The following UBA6 variants were observed in gnomAD, a reference collection of about 807,000 sequenced individuals.
The protein encoded by UBA6 is ubiquitin like modifier activating enzyme 6.
Under a neutral mutation model 148.3 loss-of-function variants are expected in UBA6, and 87 were observed. The observed-to-expected ratio is 0.59, with a 90% CI of 0.49 to 0.70. The LOEUF (loss-of-function observed/expected upper bound fraction) is 0.70. Ranked by LOEUF, UBA6 falls within the 30% of genes least tolerant of loss-of-function variation. UBA6 has a pLI of 0.00. For synonymous variants in UBA6, 376 were observed against 401.0 expected, an observed-to-expected ratio of 0.94 and a Z score of 0.75; for missense variants, 1,186 against 1,241.2, an observed-to-expected ratio of 0.96 and a Z score of 0.67.
chr4:67,697,709 C>A (rs145343859), intron 1 of UBA6, among the ~76,000 whole-genome samples: 1 of 152,140 alleles, frequency 6.6e-6, no homozygotes, highest in Non-Finnish European at 1.5e-5. Flanking sequence ...TAAGATATCT[C>A]AAACCTGATC....
intron 30 of UBA6, among the ~76,000 whole-genome samples, 181 bp from the exon 31 acceptor site, chr4:67,623,403 A>G (rs1486664952): frequency 2.0e-5 from 3 of 152,206 alleles, no homozygotes; most frequent in Non-Finnish European, 4.4e-5. Flanking sequence ...TCTTCATCAC[A>G]TCATATAGAT....
intron 9 of UBA6, among the ~76,000 whole-genome samples, chr4:67,666,752 G>A (rs368063210): frequency 6.2e-4 from 95 of 152,116 alleles, no homozygotes; most frequent in South Asian, 1.2e-3. Flanking sequence ...GCACACACCC[G>A]TGGTCCCAGT....
rs760760455 is a variant in UBA6, at chr4:67,665,189, A to G, written c.897T>C (p.Phe299=). The stretch of plus-strand genomic sequence containing the variant: ...TTTAAGCCGAAAAAAAAATACTTAC[A>G]AAAAAAACTGTTTTAGGAGTCTTAA... The part of the protein sequence containing the change: ...VQVKTPKTVF[F]ESLERQLKHP... The change falls in exon 10 of 33, where the codon TTT becomes TTC. Residue 299 remains phenylalanine (F), a splice_region_variant and synonymous_variant. Transcript: ENST00000322244. 22 of 1,549,474 alleles carry G rather than the reference A, an allele frequency of 1.4e-5. No individual in the cohort carries two copies. The highest frequency in any genetic ancestry group is 1.9e-5 in the Non-Finnish European group (22 of 1,149,090).
intron 17 of UBA6, among the ~76,000 whole-genome samples, chr4:67,642,162 C>T (rs1338155078): frequency 1.3e-5 from 2 of 151,936 alleles, no homozygotes; most frequent in African/African-American, 4.8e-5. Context: ...CTACCTCCTC[C>T]AATTCTGCTT....
chr4:67,629,741 T>C (rs1203303639), intron 26 of UBA6, among the ~76,000 whole-genome samples: 1 of 152,074 alleles, frequency 6.6e-6, no homozygotes. Context: ...AATATCAGAC[T>C]GAATGCCACT....
At chr4:67,690,852 T>C (rs991141142) in intron 2 of UBA6, among the ~76,000 whole-genome samples, 1 of 152,066 alleles carries the variant, frequency 6.6e-6, no homozygotes, top group African/African-American at 2.4e-5. Flanking sequence ...CTGTTGGAAA[T>C]GTAGAATGGT....
intron 11 of UBA6, chr4:67,663,640 T>C: frequency 2.0e-6 from 1 of 488,376 alleles, no homozygotes; most frequent in Non-Finnish European, 3.6e-6. Context: ...TTATCAAAGT[T>C]GGCAAATCAT....
chr4:67,692,948 A>T (rs992169461), intron 2 of UBA6, among the ~76,000 whole-genome samples: 4 of 152,216 alleles, frequency 2.6e-5, no homozygotes, highest in Non-Finnish European at 5.9e-5. Flanking sequence ...TTCTTTAATG[A>T]CATGGACCCT....
At chr4:67,681,439 AT>A (rs200361645) in intron 4 of UBA6, 123 bp downstream of exon 4, 9 of 595,620 alleles carry the variant, frequency 1.5e-5, no homozygotes, top group East Asian at 3.6e-5. Context: ...AATTTCCATG[AT>A]TTTTTTTAAA....
chr4:67,619,159 C>A (rs904307805), intron 32 of UBA6, 27 bp from the exon 33 acceptor site: 12 of 1,555,448 alleles, frequency 7.7e-6, no homozygotes, highest in Non-Finnish European at 1.1e-5. Flanking sequence ...AGAATGAATA[C>A]TTTGGTAAAT....
At chr4:67,670,091 C>A (rs970585885) in intron 8 of UBA6, among the ~76,000 whole-genome samples, 1 of 152,022 alleles carries the variant, frequency 6.6e-6, no homozygotes, top group Admixed American at 6.6e-5. Flanking sequence ...TGGGACCACA[C>A]ACCACCAGGC....
intron 14 of UBA6, among the ~76,000 whole-genome samples, chr4:67,648,523 G>A (rs1398745633): frequency 6.6e-6 from 1 of 151,772 alleles, no homozygotes; most frequent in African/African-American, 2.4e-5. Context: ...AATGTTTATG[G>A]TGTTTCAACA....
rs559031389 is a variant in UBA6, at chr4:67,670,479, G to A, written c.660C>T (p.Asn220=). 6.4e-7 allele frequency: 1 copy of A among 1,571,334 alleles called. No homozygotes were observed. The highest frequency in any genetic ancestry group is 1.7e-5 in the Admixed American group (1 of 58,466). ...GEEPKEIFIS[N]ITQANPGIVT... ...ATTAATATAATCATACTTGCGTTAT[G>A]TTTGAAATGAAAATTTCTTTTGGTT... Residue 220 remains asparagine, a synonymous_variant, in exon 8 of 33, where the codon AAC becomes AAT. Coordinates refer to ENST00000322244, the MANE Select transcript of UBA6 (RefSeq NM_018227.6).
chr4:67,649,335 A>C, intron 13 of UBA6, 124 bp from the exon 14 acceptor site: 1 of 925,136 alleles, frequency 1.1e-6, no homozygotes, highest in Non-Finnish European at 1.6e-6. Context: ...TCCCCTACTA[A>C]ATATCTCTAA....
chr4:67,658,252 T>C (rs145088234), intron 13 of UBA6, among the ~76,000 whole-genome samples: 1,899 of 152,326 alleles, frequency 0.012, 46 homozygotes, highest in African/African-American at 0.042. Context: ...GTATGTTTAT[T>C]GTGGCACTAT....
rs776977117 is a variant in UBA6 at position 67,630,466 on chromosome 4, C to A, written c.2328G>T (p.Glu776Asp). ...TGCTAAGGCTTAAAGAATATCTTAC[C>A]TCTTCTGCAAATGGAATACAATATA... Reference protein sequence around the residue: ...ATVYCIPFAEEDLSADALLNI... With the variant: ...ATVYCIPFAEDDLSADALLNI... The change falls in exon 26 of 33, where the codon GAG (glutamate) becomes GAT (aspartate). Residue 776 changes from glutamate (E) to aspartate (D), a missense_variant and splice_region_variant. Physicochemically the swap from Glu to Asp is conservative, Grantham distance 45. Transcript: ENST00000322244. 2 of 1,582,362 alleles carry A rather than the reference C, an allele frequency of 1.3e-6. No individual in the cohort carries two copies. Among genetic ancestry groups the A allele is most frequent in the South Asian group, 1.2e-5 (1 of 86,150 alleles).
intron 14 of UBA6, among the ~76,000 whole-genome samples, chr4:67,648,616 T>C (rs1729480340): frequency 6.6e-6 from 1 of 152,166 alleles, no homozygotes; most frequent in Non-Finnish European, 1.5e-5. Context: ...TTTTATTCCA[T>C]CTTGTGATGT....
intron 19 of UBA6, among the ~76,000 whole-genome samples, chr4:67,638,589 G>A (rs1000095481): frequency 3.9e-5 from 6 of 151,978 alleles, no homozygotes; most frequent in African/African-American, 1.5e-4. Context: ...ATTGCAGTGG[G>A]ACTCACCCCA....
At position 67,613,953 on chromosome 4, in the gene UBA6, C is replaced by A. The variant is rs1728581345; in HGVS notation, c.*5044G>T. ...CTACATTCTATAAAGAATCCCCTTT[C>A]CCCTTTACCCATTTTTTTTTTGTCC... On this transcript the variant is annotated 3_prime_UTR_variant, in exon 33 of 33. Coordinates refer to ENST00000322244, the MANE Select transcript of UBA6 (RefSeq NM_018227.6). The A allele has an allele frequency of 6.6e-6, 1 of 152,064 alleles. No homozygotes were observed. The highest frequency in any genetic ancestry group is 2.4e-5 in the African/African-American group (1 of 41,342). The allele number at this position is 152,064 out of a possible 1,614,324, so 9.4% of individuals were successfully genotyped here.
Sources: allele counts gnomAD v4.1 joint callset (sites outside exome capture counted in the v4.1 genomes callset), GRCh38; gene constraint gnomAD v4.1.1; transcripts MANE v1.5; gene names NCBI Gene and HGNC (gene_info 2026-07-23, HGNC 2026-07-21).